The following SBNO1 variants were observed in gnomAD, a reference collection of about 807,000 sequenced individuals.
SBNO1 encodes the protein protein strawberry notch homolog 1.
SBNO1 carries 23 observed loss-of-function variants against 173.6 expected under a neutral mutation model. That is an observed-to-expected ratio of 0.13 (90% CI 0.10 to 0.19). The LOEUF is 0.19. SBNO1 is among the 10% of genes least tolerant of loss of function. The pLI is 1.00. For synonymous variants in SBNO1, 632 were observed against 571.5 expected, an observed-to-expected ratio of 1.11 and a Z score of -1.51; for missense variants, 1,238 against 1,671.2, an observed-to-expected ratio of 0.74 and a Z score of 4.52.
At chr12:123,311,801 T>C (rs1308799839) in intron 24 of SBNO1, among the ~76,000 whole-genome samples, 3 of 151,010 alleles carry the variant, frequency 2.0e-5, no homozygotes, top group Non-Finnish European at 4.4e-5. Flanking sequence ...AATGGCATCA[T>C]CTTGGTTCAC....
intron 24 of SBNO1, among the ~76,000 whole-genome samples, chr12:123,311,691 C>CTAT (rs1424278237): frequency 3.8e-3 from 464 of 121,778 alleles, no homozygotes; most frequent in South Asian, 6.1e-3. Context: ...AAACAAGTAA[C>CTAT]CTATCTATCT....
At chr12:123,307,091 A>G (rs1173226372) in intron 28 of SBNO1, among the ~76,000 whole-genome samples, 15 of 147,466 alleles carry the variant, frequency 1.0e-4, no homozygotes, top group Non-Finnish European at 7.5e-5. Context: ...TAAGAGGCTG[A>G]GGTGGGAGGA....
intron 1 of SBNO1, among the ~76,000 whole-genome samples, chr12:123,359,510 G>A (rs112093953): frequency 2.0e-5 from 3 of 148,088 alleles, no homozygotes; most frequent in African/African-American, 7.5e-5. Context: ...TGCCAAGATC[G>A]CACTCGTGCA....
At chr12:123,335,561 A>C (rs893173328) in intron 6 of SBNO1, among the ~76,000 whole-genome samples, 5 of 152,216 alleles carry the variant, frequency 3.3e-5, no homozygotes, top group African/African-American at 1.2e-4. Flanking sequence ...ATGATCTGGA[A>C]GCTTTTTCTG....
chr12:123,356,680 T>C (rs528264674), intron 1 of SBNO1, among the ~76,000 whole-genome samples: 37 of 152,332 alleles, frequency 2.4e-4, no homozygotes, highest in Middle Eastern at 6.8e-3. Context: ...CTGACCTCAA[T>C]TGATCCATCC....
chr12:123,357,474 G>A (rs1874594031), intron 1 of SBNO1, among the ~76,000 whole-genome samples: 1 of 152,064 alleles, frequency 6.6e-6, no homozygotes, highest in African/African-American at 2.4e-5. Context: ...CAGGCATGGT[G>A]GCTCACGCCT....
intron 29 of SBNO1, among the ~76,000 whole-genome samples, chr12:123,303,155 G>A (rs920230448): frequency 8.6e-5 from 13 of 151,984 alleles, no homozygotes; most frequent in Non-Finnish European, 1.0e-4. Context: ...ATAATATAAG[G>A]TAATATTAAT....
chr12:123,320,068 C>G (rs1869769374), intron 19 of SBNO1, 37 bp from the exon 20 acceptor site: 1 of 1,612,290 alleles, frequency 6.2e-7, no homozygotes, highest in African/African-American at 1.3e-5. Flanking sequence ...ATGAAGGTAT[C>G]TGACTGCGGT....
At chr12:123,326,395 C>A in intron 13 of SBNO1, 61 bp from the exon 14 acceptor site, 1 of 1,090,266 alleles carries the variant, frequency 9.2e-7, no homozygotes, top group Non-Finnish European at 1.3e-6. Flanking sequence ...TTTAAAAATA[C>A]CAATTAAATC....
chr12:123,361,041 T>C (rs2139110643), intron 1 of SBNO1, among the ~76,000 whole-genome samples: 1 of 152,048 alleles, frequency 6.6e-6, no homozygotes, highest in East Asian at 2.0e-4. Context: ...ATCAAGAGAT[T>C]GAAACAATCC....
intron 31 of SBNO1, among the ~76,000 whole-genome samples, chr12:123,297,421 A>AAAAAAAAAAAAAAAAAAAAC (rs2048644761): frequency 6.7e-6 from 1 of 148,542 alleles, no homozygotes; most frequent in Non-Finnish European, 1.5e-5. Context: ...AAAAAAAAAA[A>AAAAAAAAAAAAAAAAAAAAC]ATTCCATAGA....
At chr12:123,344,090 TGAG>T (rs1872839919) in intron 4 of SBNO1, among the ~76,000 whole-genome samples, 1 of 152,206 alleles carries the variant, frequency 6.6e-6, no homozygotes, top group Non-Finnish European at 1.5e-5. Context: ...TATGCTGATG[TGAG>T]GAGTACAATG....
chr12:123,317,714 C>T (rs376830077), intron 20 of SBNO1, among the ~76,000 whole-genome samples: 2 of 152,126 alleles, frequency 1.3e-5, no homozygotes, highest in African/African-American at 4.8e-5. Flanking sequence ...ATGAACAACA[C>T]GGAAGATGCC....
At chr12:123,331,203 C>A in intron 8 of SBNO1, 39 bp downstream of exon 8, 1 of 1,604,988 alleles carries the variant, frequency 6.2e-7, no homozygotes, top group Non-Finnish European at 8.5e-7. Context: ...ACCTCGTGAT[C>A]CGCTGCGCCT....
At chr12:123,347,958 C>A in intron 3 of SBNO1, 71 bp downstream of exon 3, 1 of 923,530 alleles carries the variant, frequency 1.1e-6, no homozygotes, top group Non-Finnish European at 1.7e-6. Context: ...CGAATCACCA[C>A]ACCCGGCCAT....
intron 28 of SBNO1, among the ~76,000 whole-genome samples, chr12:123,307,020 TAA>T (rs34105162): frequency 1.9e-4 from 12 of 64,426 alleles, no homozygotes; most frequent in Non-Finnish European, 2.2e-4. Context: ...TCAACTGCAT[TAA>T]AAAAAAAAAA....
At chr12:123,344,402 A>G (rs1872881194) in intron 4 of SBNO1, among the ~76,000 whole-genome samples, 1 of 152,204 alleles carries the variant, frequency 6.6e-6, no homozygotes, top group Admixed American at 6.5e-5. Flanking sequence ...AAAAAACTAC[A>G]GCCACAAGGA....
chr12:123,356,116 T>C (rs1176998528), intron 1 of SBNO1, among the ~76,000 whole-genome samples: 2 of 151,870 alleles, frequency 1.3e-5, no homozygotes, highest in Admixed American at 1.3e-4. Context: ...GATCATGGAG[T>C]CGGACAAAAT....
At chr12:123,360,246 C>CAAAAAA (rs56346382) in intron 1 of SBNO1, among the ~76,000 whole-genome samples, 1 of 140,748 alleles carries the variant, frequency 7.1e-6, no homozygotes. Context: ...AACACCATCT[C>CAAAAAA]AAAAAAAAAA....
Sources: allele counts gnomAD v4.1 joint callset (sites outside exome capture counted in the v4.1 genomes callset), GRCh38; gene constraint gnomAD v4.1.1; transcripts MANE v1.5; gene names NCBI Gene and HGNC (gene_info 2026-07-23, HGNC 2026-07-21).